Variants in DEPTOR observed in about 807,000 individuals in gnomAD.
DEPTOR encodes DEP domain containing MTOR interacting protein, also known as DEP domain-containing mTOR-interacting protein.
In DEPTOR, 41 loss-of-function variants were observed where a neutral mutation model predicts 41.6. That is an observed-to-expected ratio of 0.98 (90% CI 0.77 to 1.28). DEPTOR has a LOEUF of 1.28. DEPTOR is among the 50% of genes most tolerant of loss of function. The pLI, the probability that DEPTOR is intolerant of heterozygous loss-of-function variation, is 0.00. For missense variants in DEPTOR, 514 were observed against 527.9 expected, an observed-to-expected ratio of 0.97 and a Z score of 0.26; for synonymous variants, 195 against 192.3, an observed-to-expected ratio of 1.01 and a Z score of -0.12.
intron 1 of DEPTOR, among the ~76,000 whole-genome samples, chr8:119,875,788 G>T (rs1412104261): frequency 6.6e-6 from 1 of 152,168 alleles, no homozygotes; most frequent in Non-Finnish European, 1.5e-5. Context: ...GAGTGTACAG[G>T]TTTGGCACCA....
chr8:119,991,062 C>T (rs1482745378), intron 4 of DEPTOR, among the ~76,000 whole-genome samples: 2 of 64,664 alleles, frequency 3.1e-5, no homozygotes, highest in Non-Finnish European at 6.5e-5. Flanking sequence ...TTCTTTCTTT[C>T]TTTCTTTCTT....
chr8:119,940,130 T>C (rs1235843961), intron 3 of DEPTOR, among the ~76,000 whole-genome samples: 1 of 151,976 alleles, frequency 6.6e-6, no homozygotes, highest in African/African-American at 2.4e-5. Context: ...GGCAGGAGAA[T>C]CGCTTGAACG....
Position 120,049,625 on chromosome 8 carries a change from A to G in DEPTOR, c.1151A>G (p.Asp384Gly), listed in dbSNP as rs772234174. ...AACGGGCTCAATGTCCTGCATGTAGACTACCGGACCGTGAGCAATCTGATT... is the reference window on the plus strand; with the variant it reads ...AACGGGCTCAATGTCCTGCATGTAGGCTACCGGACCGTGAGCAATCTGATT... ...SVNGLNVLHV[D>G]YRTVSNLILT... Residue 384 changes from aspartate to glycine, a missense_variant, in exon 9 of 9, where the codon GAC becomes GGC. By Grantham distance (94) the Asp-to-Gly change is moderately conservative. Transcript: ENST00000286234. 8.1e-6 allele frequency: 13 copies of G among 1,613,874 alleles called. No homozygotes were observed. In the East Asian group the frequency reaches 1.1e-4, roughly 14 times the overall value.
intron 6 of DEPTOR, among the ~76,000 whole-genome samples, chr8:120,005,904 T>G (rs182664866): frequency 5.8e-4 from 88 of 152,178 alleles, no homozygotes; most frequent in African/African-American, 2.0e-3. Context: ...AGACCCTTTC[T>G]TTTGCTTGCA....
intron 1 of DEPTOR, among the ~76,000 whole-genome samples, chr8:119,879,401 C>T (rs368890449): frequency 1.2e-4 from 19 of 152,108 alleles, no homozygotes; most frequent in African/African-American, 4.6e-4. Context: ...ATGTTCATAG[C>T]AGTACTATTC....
intron 1 of DEPTOR, among the ~76,000 whole-genome samples, chr8:119,877,773 T>A (rs1430287333): frequency 6.6e-6 from 1 of 152,214 alleles, no homozygotes; most frequent in Non-Finnish European, 1.5e-5. Flanking sequence ...AATAATATCT[T>A]CCCACATAAG....
intron 1 of DEPTOR, among the ~76,000 whole-genome samples, chr8:119,924,605 T>C (rs920673493): frequency 1.1e-4 from 17 of 152,186 alleles, no homozygotes; most frequent in Non-Finnish European, 2.4e-4. Context: ...CTTTTTTTGG[T>C]CATTTCAATG....
Position 120,009,129 on chromosome 8 carries a change from T to C in DEPTOR, c.1097T>C (p.Met366Thr), listed in dbSNP as rs762083501. 2 of 1,613,746 alleles carry C rather than the reference T, an allele frequency of 1.2e-6. No homozygotes were observed. Among genetic ancestry groups the C allele is most frequent in the African/African-American group, 1.3e-5 (1 of 75,056 alleles). ...DPSGPAAAAG[M>T]KVCQFVVSVN... Reference sequence around the variant, plus strand: ...AGTGGCCCTGCAGCCGCAGCAGGAATGAAGGTACTAACGGGTCTTTCTCAC... The same window carrying C: ...AGTGGCCCTGCAGCCGCAGCAGGAACGAAGGTACTAACGGGTCTTTCTCAC... The change falls in exon 8 of 9, where the codon ATG (methionine) becomes ACG (threonine). Residue 366 changes from methionine (M) to threonine (T), a missense_variant. Coordinates refer to ENST00000286234, the MANE Select transcript of DEPTOR (RefSeq NM_022783.4).
At chr8:120,026,006 G>A (rs1182970887) in intron 8 of DEPTOR, among the ~76,000 whole-genome samples, 1 of 142,376 alleles carries the variant, frequency 7.0e-6, no homozygotes, top group African/African-American at 2.6e-5. Context: ...TTTTTTCTGA[G>A]ACCGAGTTTC....
chr8:120,021,300 A>T (rs1431493082), intron 8 of DEPTOR, among the ~76,000 whole-genome samples: 1 of 150,214 alleles, frequency 6.7e-6, no homozygotes, highest in East Asian at 2.0e-4. Flanking sequence ...GTACTTGGGA[A>T]GCTGAGGCAG....
rs368378101 is a variant in DEPTOR at position 120,006,880 on chromosome 8, G to A, written c.996+5G>A. On this transcript the variant is annotated splice_donor_5th_base_variant and intron_variant, in intron 7 of 8. Coordinates refer to ENST00000286234, the MANE Select transcript of DEPTOR (RefSeq NM_022783.4). The stretch of plus-strand genomic sequence containing the variant: ...TATGCAAGGAAGACATTCACGGTAG[G>A]CTGATGGTCTGGCCTTTTTCTCCCG... 1.9e-6 allele frequency: 3 copies of A among 1,614,038 alleles called. No individual in the cohort carries two copies. The highest frequency in any genetic ancestry group is 1.3e-5 in the African/African-American group (1 of 74,936).
chr8:119,894,780 T>C (rs925642971), intron 1 of DEPTOR, among the ~76,000 whole-genome samples: 32 of 152,160 alleles, frequency 2.1e-4, no homozygotes, highest in African/African-American at 5.6e-4. Flanking sequence ...TGGAGAATCC[T>C]GGGAATTGGA....
intron 3 of DEPTOR, among the ~76,000 whole-genome samples, chr8:119,946,283 A>G (rs563121147): frequency 6.6e-6 from 1 of 152,318 alleles, no homozygotes; most frequent in Admixed American, 6.5e-5. Context: ...TTTTAACTTT[A>G]TTAAAGTTAA....
intron 8 of DEPTOR, among the ~76,000 whole-genome samples, chr8:120,020,761 C>T (rs953929646): frequency 6.6e-6 from 1 of 152,078 alleles, no homozygotes; most frequent in African/African-American, 2.4e-5. Flanking sequence ...AAATTCTTCA[C>T]CTTTAAAATG....
At chr8:120,042,739 C>T (rs1042346703) in intron 8 of DEPTOR, among the ~76,000 whole-genome samples, 8 of 151,758 alleles carry the variant, frequency 5.3e-5, no homozygotes, top group East Asian at 3.9e-4. Context: ...AAGCTGGTCT[C>T]GAACTCCTGA....
intron 4 of DEPTOR, among the ~76,000 whole-genome samples, chr8:119,994,878 A>G (rs377444843): frequency 2.7e-4 from 41 of 150,144 alleles, no homozygotes; most frequent in Admixed American, 2.0e-3. Flanking sequence ...GCTTGCACCA[A>G]TGCACTCCAG....
chr8:119,875,146 T>A (rs7465510), intron 1 of DEPTOR, among the ~76,000 whole-genome samples: 1 of 151,920 alleles, frequency 6.6e-6, no homozygotes, highest in Non-Finnish European at 1.5e-5. Flanking sequence ...ATAAAAACTT[T>A]TTTTCCTTCA....
chr8:119,893,259 A>AT, intron 1 of DEPTOR, among the ~76,000 whole-genome samples: 1 of 152,168 alleles, frequency 6.6e-6, no homozygotes, highest in Non-Finnish European at 1.5e-5. Context: ...AATCTCTTCA[A>AT]TTGTCTTCCT....
intron 3 of DEPTOR, among the ~76,000 whole-genome samples, chr8:119,936,829 G>C (rs1828119401): frequency 6.6e-6 from 1 of 151,662 alleles, no homozygotes; most frequent in African/African-American, 2.4e-5. Context: ...TTTGAGACCA[G>C]CCTGGCCAAC....
Sources: allele counts gnomAD v4.1 joint callset (sites outside exome capture counted in the v4.1 genomes callset), GRCh38; gene constraint gnomAD v4.1.1; transcripts MANE v1.5; gene names NCBI Gene and HGNC (gene_info 2026-07-23, HGNC 2026-07-21).